CTIF: variants seen among roughly 807,000 people sequenced by gnomAD.
CTIF encodes the protein CBP80/20-dependent translation initiation factor.
A neutral mutation model predicts 66.0 loss-of-function variants in CTIF; 21 were observed. The ratio of observed to expected loss-of-function variants is 0.32; its 90% CI spans 0.23 to 0.46. The LOEUF is 0.46. Ranked by LOEUF, CTIF falls within the 20% of genes least tolerant of loss-of-function variation. The pLI is 1.00. For synonymous variants in CTIF, 345 were observed against 326.4 expected, an observed-to-expected ratio of 1.06 and a Z score of -0.62; for missense variants, 739 against 812.7, an observed-to-expected ratio of 0.91 and a Z score of 1.10.
chr18:48,806,033 G>A (rs1337377123), intron 9 of CTIF, among the ~76,000 whole-genome samples: 1 of 152,188 alleles, frequency 6.6e-6, no homozygotes, highest in East Asian at 1.9e-4. Flanking sequence ...CAGACCTAGT[G>A]GAGGTGATCA....
At chr18:48,632,971 C>T (rs990840317) in intron 2 of CTIF, among the ~76,000 whole-genome samples, 6 of 68,524 alleles carry the variant, frequency 8.8e-5, no homozygotes, top group Non-Finnish European at 2.4e-4. Context: ...GAAAGCTCAC[C>T]AAGGAGGGTA....
intron 7 of CTIF, among the ~76,000 whole-genome samples, chr18:48,743,239 A>G (rs28585039): frequency 0.1 from 15,216 of 152,222 alleles, 889 homozygotes; most frequent in Non-Finnish European, 0.12. Context: ...AGGCAGACAG[A>G]GCCCAACACC....
At chr18:48,632,074 G>T (rs1454154955) in intron 2 of CTIF, among the ~76,000 whole-genome samples, 1 of 152,194 alleles carries the variant, frequency 6.6e-6, no homozygotes, top group Non-Finnish European at 1.5e-5. Context: ...ACAAGAAGCT[G>T]GTGTTGAGAG....
chr18:48,806,024 A>G (rs1994558), intron 9 of CTIF, among the ~76,000 whole-genome samples: 67,412 of 151,838 alleles, frequency 0.44, 16,707 homozygotes, highest in African/African-American at 0.66. Flanking sequence ...AACAGACATC[A>G]GACCTAGTGG....
At chr18:48,685,108 ATCTT>A (rs1223485163) in intron 6 of CTIF, among the ~76,000 whole-genome samples, 2 of 149,824 alleles carry the variant, frequency 1.3e-5, no homozygotes, top group African/African-American at 4.9e-5. Flanking sequence ...TATCTCCTCA[ATCTT>A]TCTTTGTCTT....
intron 6 of CTIF, among the ~76,000 whole-genome samples, chr18:48,676,529 A>G (rs1434733763): frequency 6.6e-6 from 1 of 152,086 alleles, no homozygotes; most frequent in Non-Finnish European, 1.5e-5. Context: ...CCCTGCCCCC[A>G]CATTGCTGGC....
chr18:48,748,819 G>A (rs1445075609), intron 7 of CTIF, among the ~76,000 whole-genome samples: 5 of 152,198 alleles, frequency 3.3e-5, no homozygotes, highest in African/African-American at 7.2e-5. Flanking sequence ...GAGGTATAGG[G>A]CACTGCAGTT....
intron 7 of CTIF, among the ~76,000 whole-genome samples, chr18:48,755,083 A>T (rs912703366): frequency 1.5e-4 from 23 of 152,330 alleles, no homozygotes; most frequent in Admixed American, 9.1e-4. Context: ...GGCTTGGTCA[A>T]CCATCCTTTG....
At position 48,705,336 on chromosome 18, in the gene CTIF, G is replaced by A. The variant is rs116493969; in HGVS notation, c.508-6283G>A. Among the ~76,000 whole-genome samples, 1,008 of 152,240 alleles carry A rather than the reference G, an allele frequency of 6.6e-3. 15 individuals are homozygous for A. Among genetic ancestry groups the A allele is most frequent in the African/African-American group, 0.023 (954 of 41,528 alleles). On this transcript the variant is annotated intron_variant, in intron 6 of 11. Coordinates refer to ENST00000256413, the MANE Select transcript of CTIF (RefSeq NM_014772.3). ...CTGCCTCACTCCAAACACTGCCTCCGTCTTCACATGGCCTTCATCCCTCTG... is the reference window on the plus strand; with the variant it reads ...CTGCCTCACTCCAAACACTGCCTCCATCTTCACATGGCCTTCATCCCTCTG...
chr18:48,699,731 A>G (rs1013843810), intron 6 of CTIF, among the ~76,000 whole-genome samples: 1 of 152,214 alleles, frequency 6.6e-6, no homozygotes, highest in Non-Finnish European at 1.5e-5. Flanking sequence ...ATGCCCAGTC[A>G]TCTCATTTAA....
chr18:48,599,113 G>A (rs1166928380), intron 1 of CTIF, among the ~76,000 whole-genome samples: 1 of 152,154 alleles, frequency 6.6e-6, no homozygotes, highest in Non-Finnish European at 1.5e-5. Context: ...ATCAGCTCAT[G>A]GGTGTTGGAA....
intron 2 of CTIF, among the ~76,000 whole-genome samples, chr18:48,636,111 G>A (rs2090817106): frequency 6.6e-6 from 1 of 152,180 alleles, no homozygotes; most frequent in Admixed American, 6.5e-5. Flanking sequence ...TGAGTGGCAG[G>A]GCTTGTCTGA....
chr18:48,617,797 A>G (rs1250797293), intron 1 of CTIF, among the ~76,000 whole-genome samples: 1 of 152,178 alleles, frequency 6.6e-6, no homozygotes, highest in Admixed American at 6.5e-5. Context: ...CCTTGGCCTG[A>G]AACCTCCAGT....
chr18:48,571,837 TGAGA>T (rs368609013), intron 1 of CTIF, among the ~76,000 whole-genome samples: 2 of 151,744 alleles, frequency 1.3e-5, no homozygotes, highest in Admixed American at 1.3e-4. Flanking sequence ...AACAGAACCA[TGAGA>T]GAGAGAGAGA....
chr18:48,598,987 A>G (rs1311019573), intron 1 of CTIF, among the ~76,000 whole-genome samples: 1 of 152,150 alleles, frequency 6.6e-6, no homozygotes, highest in Non-Finnish European at 1.5e-5. Context: ...GGAGTGATCA[A>G]TGGATAGGAT....
intron 6 of CTIF, among the ~76,000 whole-genome samples, chr18:48,709,295 G>A (rs2092196802): frequency 6.6e-6 from 1 of 152,250 alleles, no homozygotes; most frequent in Non-Finnish European, 1.5e-5. Flanking sequence ...GTTGTTCTGG[G>A]ATGGATGGAT....
chr18:48,628,283 G>C lies in CTIF; in HGVS notation c.181-8331G>C, dbSNP rs930112780. ...GTCCACCAGTTCGATGCACATTGGT[G>C]GTGTTCAGAGGAGGATAATGAGCTG... On this transcript the variant is annotated intron_variant, in intron 2 of 11. Transcript: ENST00000256413. Among the ~76,000 whole-genome samples the C allele has an allele frequency of 2.6e-5, 4 of 152,290 alleles. No homozygotes were observed. In the East Asian group the frequency reaches 7.7e-4, roughly 29 times the overall value.
rs142860786 is a variant in CTIF at position 48,560,666 on chromosome 18, C to G, written c.-29+21354C>G. Among the ~76,000 whole-genome samples, 115 of 152,270 alleles carry G rather than the reference C, an allele frequency of 7.6e-4. 1 individual carries two copies. The highest frequency in any genetic ancestry group is 2.4e-3 in the African/African-American group (99 of 41,576). ...GCTCACTGCAACCTCCGCCTCTTGG[C>G]CTCAAGCCATCCTCCCTCCTCAGCC... On this transcript the variant is annotated intron_variant, in intron 1 of 11. Transcript: ENST00000256413.
rs564648629 is a variant in CTIF at position 48,557,412 on chromosome 18, G to A, written c.-29+18100G>A. ...CTTCCCTGGAGTTTTCTGAATGGAA[G>A]CTGGGAGAGAAAGTCCTTTTCTTCT... On this transcript the variant is annotated intron_variant, in intron 1 of 11. Coordinates refer to ENST00000256413, the MANE Select transcript of CTIF (RefSeq NM_014772.3). 9.2e-5 allele frequency among the ~76,000 whole-genome samples: 14 copies of A among 152,302 alleles called. No individual in the cohort carries two copies. The South Asian group carries it at 2.9e-3, about 32-fold the overall frequency.
Sources: gnomAD v4.1 joint callset for allele counts (sites outside exome capture counted in the v4.1 genomes callset) on GRCh38, gnomAD v4.1.1 for gene constraint, MANE v1.5 for transcripts, NCBI Gene and HGNC (gene_info 2026-07-23, HGNC 2026-07-21) for gene names.